The following CDH13 variants were observed in gnomAD, a reference collection of about 807,000 sequenced individuals.
The protein encoded by CDH13 is cadherin 13.
In CDH13, 24 loss-of-function variants were observed where a neutral mutation model predicts 63.8. That is an observed-to-expected ratio of 0.38 (90% CI 0.27 to 0.53). CDH13 has a LOEUF of 0.53. Ranked by LOEUF, CDH13 falls within the 20% of genes least tolerant of loss-of-function variation. CDH13 has a pLI of 0.85. For missense variants in CDH13, 1,049 were observed against 903.1 expected (o/e 1.16, Z -2.07); for synonymous variants, 503 against 355.3 (o/e 1.42, Z -4.67).
chr16:82,838,199 AGT>A (rs756196239), intron 1 of CDH13, among the ~76,000 whole-genome samples: 1 of 152,154 alleles, frequency 6.6e-6, no homozygotes, highest in Non-Finnish European at 1.5e-5. Context: ...CCCATCACTG[AGT>A]TCTAATTTCT....
intron 7 of CDH13, among the ~76,000 whole-genome samples, chr16:83,593,464 G>A (rs1012293021): frequency 6.6e-6 from 1 of 151,970 alleles, no homozygotes; most frequent in Non-Finnish European, 1.5e-5. Flanking sequence ...AATCAGCTAT[G>A]GTAGGAGTAG....
chr16:83,021,691 G>T (rs979628994), intron 2 of CDH13, among the ~76,000 whole-genome samples: 2 of 152,192 alleles, frequency 1.3e-5, no homozygotes, highest in Non-Finnish European at 2.9e-5. Flanking sequence ...ATGGAATTAA[G>T]ACTGTTTTAT....
Position 82,643,336 on chromosome 16 carries a change from G to A in CDH13, c.45+16199G>A, listed in dbSNP as rs139173752. Among the ~76,000 whole-genome samples, 200 of 152,294 alleles carry A rather than the reference G, an allele frequency of 1.3e-3. 1 individual carries two copies. Among genetic ancestry groups the A allele is most frequent in the African/African-American group, 4.6e-3 (192 of 41,566 alleles). On this transcript the variant is annotated intron_variant, in intron 1 of 13. Transcript: ENST00000567109. ...TCTTACAGTTGTTCACCACCTGCTG[G>A]TGATACTCTACTTGCTTTACTTATA...
At chr16:83,154,872 A>C (rs1023301836) in intron 4 of CDH13, among the ~76,000 whole-genome samples, 4 of 152,200 alleles carry the variant, frequency 2.6e-5, no homozygotes, top group African/African-American at 9.6e-5. Context: ...TGTAGCAAAA[A>C]TCTTTAAAAG....
At chr16:83,751,009 T>C (rs1017481595) in intron 11 of CDH13, among the ~76,000 whole-genome samples, 3 of 149,002 alleles carry the variant, frequency 2.0e-5, no homozygotes, top group Non-Finnish European at 4.4e-5. Flanking sequence ...AGCATTCTAG[T>C]AGAATAAAGA....
At chr16:82,990,174 C>G (rs1181385952) in intron 2 of CDH13, 1 of 152,086 alleles carries the variant, frequency 6.6e-6, no homozygotes, top group Non-Finnish European at 1.5e-5. Flanking sequence ...AGTCAGAGAG[C>G]CAACTGCCAA....
intron 1 of CDH13, among the ~76,000 whole-genome samples, chr16:82,781,018 G>T (rs2035728273): frequency 6.6e-6 from 1 of 152,254 alleles, no homozygotes; most frequent in Middle Eastern, 3.2e-3. Context: ...GAGAGACTGT[G>T]AGGTTGCCTG....
At chr16:82,865,868 C>T (rs1173454465) in intron 2 of CDH13, among the ~76,000 whole-genome samples, 1 of 152,116 alleles carries the variant, frequency 6.6e-6, no homozygotes, top group Non-Finnish European at 1.5e-5. Context: ...GCTGTGCTTC[C>T]CTTTTAAATA....
At chr16:83,430,082 A>G (rs569802392) in intron 6 of CDH13, among the ~76,000 whole-genome samples, 1 of 152,312 alleles carries the variant, frequency 6.6e-6, no homozygotes, top group African/African-American at 2.4e-5. Context: ...TCAAAAAATT[A>G]AAAATAGAGC....
In CDH13 at chr16:83,173,985, A is replaced by G. The variant is rs545185550; in HGVS notation, c.484-43360A>G. ...CAGTATCACACCAGCATGTAGAGAT[A>G]TGACCAGACAATAACAATCCTCCTC... On this transcript the variant is annotated intron_variant, in intron 4 of 13. Coordinates refer to ENST00000567109, the MANE Select transcript of CDH13 (RefSeq NM_001257.5). Among the ~76,000 whole-genome samples the G allele has an allele frequency of 9.2e-5, 14 of 152,228 alleles. No individual in the cohort carries two copies. The East Asian group carries it at 2.3e-3, about 25-fold the overall frequency.
intron 7 of CDH13, among the ~76,000 whole-genome samples, chr16:83,522,659 C>T (rs1043372159): frequency 1.1e-4 from 17 of 152,158 alleles, no homozygotes; most frequent in East Asian, 3.9e-4. Flanking sequence ...ACACCTGCAG[C>T]GTCATTTCTC....
chr16:83,122,361 G>C (rs2035620906), intron 3 of CDH13, among the ~76,000 whole-genome samples: 1 of 152,248 alleles, frequency 6.6e-6, no homozygotes, highest in Non-Finnish European at 1.5e-5. Flanking sequence ...TCTTTTATGT[G>C]AAGTGATACT....
intron 3 of CDH13, among the ~76,000 whole-genome samples, chr16:83,053,282 ATAACCT>A (rs1352000309): frequency 6.6e-6 from 1 of 152,204 alleles, no homozygotes; most frequent in Non-Finnish European, 1.5e-5. Context: ...AAAAGGTATC[ATAACCT>A]TAATATTAGG....
At chr16:83,190,129 A>T (rs2038652554) in intron 4 of CDH13, among the ~76,000 whole-genome samples, 1 of 152,218 alleles carries the variant, frequency 6.6e-6, no homozygotes, top group South Asian at 2.1e-4. Flanking sequence ...ACATCTAACA[A>T]GAATACCCCA....
At chr16:82,707,116 C>T (rs1392542045) in intron 1 of CDH13, among the ~76,000 whole-genome samples, 1 of 152,180 alleles carries the variant, frequency 6.6e-6, no homozygotes, top group East Asian at 1.9e-4. Flanking sequence ...GTTTTGCTTC[C>T]TAAAGCGTAA....
At chr16:82,912,301 A>G (rs1371186492) in intron 2 of CDH13, among the ~76,000 whole-genome samples, 1 of 152,154 alleles carries the variant, frequency 6.6e-6, no homozygotes, top group Non-Finnish European at 1.5e-5. Context: ...GTCATACTTC[A>G]CAGAAATTAA....
At chr16:82,653,323 G>C (rs1910943465) in intron 1 of CDH13, among the ~76,000 whole-genome samples, 1 of 152,158 alleles carries the variant, frequency 6.6e-6, no homozygotes, top group Non-Finnish European at 1.5e-5. Flanking sequence ...TAGTGCCTTA[G>C]TGTATTTTAC....
chr16:83,779,210 G>C (rs144492640), intron 11 of CDH13, among the ~76,000 whole-genome samples: 2,499 of 151,770 alleles, frequency 0.016, 41 homozygotes, highest in African/African-American at 0.042. Flanking sequence ...TTTGAGACCA[G>C]CCTGGCCAAC....
intron 5 of CDH13, among the ~76,000 whole-genome samples, chr16:83,231,169 C>G (rs1327720813): frequency 6.6e-6 from 1 of 152,168 alleles, no homozygotes; most frequent in East Asian, 1.9e-4. Context: ...GTAATAATCC[C>G]TTTCTCCATC....
Sources: allele counts gnomAD v4.1 joint callset (sites outside exome capture counted in the v4.1 genomes callset), GRCh38; gene constraint gnomAD v4.1.1; transcripts MANE v1.5; gene names NCBI Gene and HGNC (gene_info 2026-07-23, HGNC 2026-07-21).